DST: variants seen among roughly 807,000 people sequenced by gnomAD.
DST encodes the protein dystonin.
Under a neutral mutation model 875.2 loss-of-function variants are expected in DST, and 253 were observed. That is an observed-to-expected ratio of 0.29 (90% confidence interval 0.26 to 0.32). The LOEUF (loss-of-function observed/expected upper bound fraction) is 0.32, where lower values mean the gene tolerates loss of function less well. Among genes scored for constraint, DST ranks in the 10% least tolerant of loss-of-function variants. The pLI is 1.00. For missense variants in DST, 8,287 were observed against 9,111.6 expected (o/e 0.91, Z 3.68); for synonymous variants, 3,124 against 3,197.1 (o/e 0.98, Z 0.77).
chr6:56,551,411 G>A (rs1236459231), intron 61 of DST, among the ~76,000 whole-genome samples: 2 of 152,160 alleles, frequency 1.3e-5, no homozygotes, highest in Non-Finnish European at 2.9e-5. Flanking sequence ...ATAGAAAATT[G>A]CTTGCTATTT....
intron 3 of DST, among the ~76,000 whole-genome samples, chr6:56,887,215 C>A (rs74648363): frequency 0.042 from 6,430 of 152,226 alleles, 448 homozygotes; most frequent in African/African-American, 0.15. Flanking sequence ...GTCAGATGAG[C>A]TCTAAGATCC....
chr6:56,536,105 C>A (rs1364506399), intron 62 of DST, among the ~76,000 whole-genome samples: 1 of 152,196 alleles, frequency 6.6e-6, no homozygotes, highest in Non-Finnish European at 1.5e-5. Context: ...ATATGCACTG[C>A]CATCCCATAA....
At chr6:56,596,130 G>A (rs2098382370) in intron 47 of DST, among the ~76,000 whole-genome samples, 1 of 152,044 alleles carries the variant, frequency 6.6e-6, no homozygotes, top group African/African-American at 2.4e-5. Flanking sequence ...CTGGGTTCCA[G>A]CGATTCTCCT....
At chr6:56,940,227 CACA>C (rs1815710186) in intron 2 of DST, among the ~76,000 whole-genome samples, 3 of 141,144 alleles carry the variant, frequency 2.1e-5, no homozygotes, top group Non-Finnish European at 4.8e-5. Context: ...CACACACACA[CACA>C]CACACATATA....
chr6:56,950,225 A>G (rs2127815235), intron 2 of DST, among the ~76,000 whole-genome samples: 1 of 152,284 alleles, frequency 6.6e-6, no homozygotes, highest in African/African-American at 2.4e-5. Context: ...AGAGATATTT[A>G]CTCAAAAATT....
chr6:56,475,006 A>G (rs1371367519), intron 92 of DST, among the ~76,000 whole-genome samples: 1 of 148,416 alleles, frequency 6.7e-6, no homozygotes, highest in Admixed American at 6.8e-5. Context: ...TTGATATATT[A>G]TGACATAATA....
At chr6:56,789,189 G>A (rs999999147) in intron 4 of DST, among the ~76,000 whole-genome samples, 2 of 151,918 alleles carry the variant, frequency 1.3e-5, no homozygotes, top group African/African-American at 4.8e-5. Context: ...TTTTTAATTA[G>A]CCAGGCATTG....
intron 4 of DST, among the ~76,000 whole-genome samples, chr6:56,744,541 T>C (rs555465575): frequency 1.4e-4 from 21 of 152,310 alleles, no homozygotes; most frequent in East Asian, 9.6e-4. Flanking sequence ...GTTGGTATTA[T>C]AGACGAAAGA....
chr6:56,784,020 A>G (rs2099699913), intron 4 of DST, among the ~76,000 whole-genome samples: 1 of 152,056 alleles, frequency 6.6e-6, no homozygotes, highest in Non-Finnish European at 1.5e-5. Flanking sequence ...CTGGGTTGAA[A>G]ATTCTTTTCT....
chr6:56,733,974 C>T (rs551937062), intron 5 of DST, among the ~76,000 whole-genome samples: 21 of 152,268 alleles, frequency 1.4e-4, no homozygotes, highest in African/African-American at 4.8e-4. Context: ...ACAGGGAACA[C>T]GTCCCTAGCC....
At chr6:56,459,292 T>C in intron 103 of DST, 25 bp from the exon 104 acceptor site, 1 of 1,601,652 alleles carries the variant, frequency 6.2e-7, no homozygotes, top group Non-Finnish European at 8.5e-7. Context: ...TAGAGACAGC[T>C]CACCCTTATT....
chr6:56,890,129 G>A (rs1786660648), intron 3 of DST, among the ~76,000 whole-genome samples: 1 of 152,104 alleles, frequency 6.6e-6, no homozygotes, highest in Non-Finnish European at 1.5e-5. Flanking sequence ...CAAGCCAAGA[G>A]TGCCTAGGTT....
chr6:56,616,156 C>G (rs775307480), intron 36 of DST: 1 of 1,614,176 alleles, frequency 6.2e-7, no homozygotes, highest in Non-Finnish European at 8.5e-7. Flanking sequence ...TGGGGACTAA[C>G]CGGCTCAGCA....
At chr6:56,579,494 T>C (rs2152639265) in intron 49 of DST, among the ~76,000 whole-genome samples, 1 of 152,132 alleles carries the variant, frequency 6.6e-6, no homozygotes, top group East Asian at 1.9e-4. Context: ...TTTCAGGGAT[T>C]TTATGGTTCG....
chr6:56,474,808 C>A (rs1356731448), intron 92 of DST, among the ~76,000 whole-genome samples: 2 of 151,146 alleles, frequency 1.3e-5, no homozygotes, highest in Non-Finnish European at 3.0e-5. Context: ...ACAAAAAATT[C>A]AAAAATTAGG....
intron 4 of DST, among the ~76,000 whole-genome samples, chr6:56,834,583 C>T (rs1401903595): frequency 6.7e-6 from 1 of 150,186 alleles, no homozygotes; most frequent in East Asian, 1.9e-4. Flanking sequence ...AGTGACAGTG[C>T]GAGACTCCAA....
At chr6:56,626,143 A>C (rs2098732953) in intron 34 of DST, among the ~76,000 whole-genome samples, 2 of 152,128 alleles carry the variant, frequency 1.3e-5, no homozygotes, top group Middle Eastern at 3.2e-3. Context: ...AATGTAAAAA[A>C]GTTACAGTAA....
chr6:56,668,505 G>T (rs1427514075), intron 10 of DST, among the ~76,000 whole-genome samples: 1 of 152,174 alleles, frequency 6.6e-6, no homozygotes, highest in Non-Finnish European at 1.5e-5. Context: ...ACACTGGGAG[G>T]CTGAGGTAGG....
intron 4 of DST, among the ~76,000 whole-genome samples, chr6:56,849,776 A>G (rs1415718270): frequency 6.6e-6 from 1 of 152,088 alleles, no homozygotes; most frequent in African/African-American, 2.4e-5. Context: ...CTCCTTCATT[A>G]CTGAAAGCAA....
Sources: allele counts gnomAD v4.1 joint callset (sites outside exome capture counted in the v4.1 genomes callset), GRCh38; gene constraint gnomAD v4.1.1; transcripts MANE v1.5; gene names NCBI Gene and HGNC (gene_info 2026-07-23, HGNC 2026-07-21).